The following KHDRBS2 variants were observed in gnomAD, a reference collection of about 807,000 sequenced individuals.
KHDRBS2 encodes KH RNA binding domain containing, signal transduction associated 2.
A neutral mutation model predicts 44.3 loss-of-function variants in KHDRBS2; 26 were observed. That is an observed-to-expected ratio of 0.59 (90% CI 0.43 to 0.81). The LOEUF (loss-of-function observed/expected upper bound fraction) is 0.81. Among genes scored for constraint, KHDRBS2 ranks in the 40% least tolerant of loss-of-function variants. The probability of loss-of-function intolerance (pLI) is 0.00; values close to 1 mark genes in which losing one functional copy is unlikely to be tolerated. For synonymous variants in KHDRBS2, 194 were observed against 151.1 expected (o/e 1.28, Z -2.08); for missense variants, 476 against 433.1 (o/e 1.10, Z -0.88).
chr6:61,792,952 C>T (rs1347909940), intron 6 of KHDRBS2, among the ~76,000 whole-genome samples: 3 of 151,764 alleles, frequency 2.0e-5, no homozygotes, highest in Admixed American at 1.3e-4. Flanking sequence ...CAAGAGGGGC[C>T]AAGAAAACAG....
At chr6:61,747,162 T>G (rs1394783171) in intron 6 of KHDRBS2, among the ~76,000 whole-genome samples, 3 of 152,164 alleles carry the variant, frequency 2.0e-5, no homozygotes, top group Non-Finnish European at 4.4e-5. Flanking sequence ...TGTTTTATAT[T>G]GCTATTTTAG....
chr6:61,598,177 A>C, the KHDRBS2 span, among the ~76,000 whole-genome samples: 4 of 151,108 alleles, frequency 2.6e-5, no homozygotes, highest in Non-Finnish European at 5.9e-5. Context: ...AGTGGTAGCC[A>C]TGTCTGTCAG....
At chr6:62,270,755 T>C (rs1839960859) in intron 1 of KHDRBS2, among the ~76,000 whole-genome samples, 1 of 152,164 alleles carries the variant, frequency 6.6e-6, no homozygotes, top group South Asian at 2.1e-4. Flanking sequence ...TCTTTATTAA[T>C]TTCTGCTATC....
At chr6:61,568,024 G>A in the KHDRBS2 span, among the ~76,000 whole-genome samples, 41 of 151,908 alleles carry the variant, frequency 2.7e-4, no homozygotes, top group African/African-American at 9.2e-4. Context: ...TATATATAGA[G>A]AGATACAGGT....
At chr6:61,545,252 C>A in the KHDRBS2 span, among the ~76,000 whole-genome samples, 29 of 151,912 alleles carry the variant, frequency 1.9e-4, no homozygotes, top group Non-Finnish European at 3.7e-4. Flanking sequence ...TGGAAACCAG[C>A]CTGGGTAACA....
intron 1 of KHDRBS2, among the ~76,000 whole-genome samples, chr6:62,188,352 C>T (rs779734863): frequency 6.6e-6 from 1 of 152,092 alleles, no homozygotes; most frequent in Non-Finnish European, 1.5e-5. Context: ...CTATTCTTTG[C>T]TTCCATGCAT....
intron 2 of KHDRBS2, among the ~76,000 whole-genome samples, chr6:62,138,045 G>A (rs1024254902): frequency 6.6e-6 from 1 of 152,186 alleles, no homozygotes; most frequent in African/African-American, 2.4e-5. Flanking sequence ...TAGGACCCCA[G>A]CTGAAGGATT....
intron 6 of KHDRBS2, among the ~76,000 whole-genome samples, chr6:61,807,310 C>A (rs1285958674): frequency 1.3e-5 from 2 of 151,774 alleles, no homozygotes; most frequent in Non-Finnish European, 2.9e-5. Context: ...CCCAGCAATC[C>A]CATTATTGGG....
At chr6:61,675,497 A>G (rs1304579256), downstream of KHDRBS2, among the ~76,000 whole-genome samples, 1 of 151,750 alleles carries the variant, frequency 6.6e-6, no homozygotes, top group Non-Finnish European at 1.5e-5. Flanking sequence ...TAGTGCTTCA[A>G]CGGTTATTAA....
At chr6:62,144,745 A>C (rs1245644500) in intron 2 of KHDRBS2, among the ~76,000 whole-genome samples, 3 of 151,984 alleles carry the variant, frequency 2.0e-5, no homozygotes, top group Non-Finnish European at 4.4e-5. Context: ...AGTACAGTGG[A>C]AAGAATATCC....
intron 3 of KHDRBS2, among the ~76,000 whole-genome samples, chr6:62,004,307 A>G (rs1380915848): frequency 6.6e-6 from 1 of 152,124 alleles, no homozygotes; most frequent in Non-Finnish European, 1.5e-5. Context: ...GCAACAAAAA[A>G]TGATAAAAGG....
At chr6:62,265,737 T>A (rs957476162) in intron 1 of KHDRBS2, among the ~76,000 whole-genome samples, 1 of 152,010 alleles carries the variant, frequency 6.6e-6, no homozygotes. Flanking sequence ...CATTGCAGGC[T>A]TTTAGCTCCC....
intron 1 of KHDRBS2, among the ~76,000 whole-genome samples, chr6:62,237,715 G>A (rs777529553): frequency 1.3e-5 from 2 of 152,092 alleles, no homozygotes; most frequent in Non-Finnish European, 2.9e-5. Flanking sequence ...TGGAAATCAA[G>A]CTTGTTCCAT....
chr6:61,592,155 C>A, the KHDRBS2 span, among the ~76,000 whole-genome samples: 2 of 137,580 alleles, frequency 1.5e-5, no homozygotes, highest in African/African-American at 2.8e-5. Flanking sequence ...TGTGTCGCTG[C>A]ACTCCAGCCT....
chr6:61,815,601 G>A (rs1433081065), intron 6 of KHDRBS2, among the ~76,000 whole-genome samples: 2 of 152,112 alleles, frequency 1.3e-5, no homozygotes, highest in Non-Finnish European at 2.9e-5. Context: ...TGAACAAGAG[G>A]GAAATAACAG....
chr6:61,848,788 T>A (rs879670630), intron 6 of KHDRBS2, among the ~76,000 whole-genome samples: 1 of 151,150 alleles, frequency 6.6e-6, no homozygotes, highest in Non-Finnish European at 1.5e-5. Flanking sequence ...ATTTATTTCC[T>A]TTTTAAACTG....
intron 4 of KHDRBS2, among the ~76,000 whole-genome samples, chr6:61,939,835 G>GT (rs1381271716): frequency 2.6e-4 from 39 of 152,272 alleles, no homozygotes; most frequent in Admixed American, 1.2e-3. Context: ...CTATGGAGAT[G>GT]CAAAATTATA....
At chr6:61,582,989 T>G in the KHDRBS2 span, among the ~76,000 whole-genome samples, 13 of 151,958 alleles carry the variant, frequency 8.6e-5, no homozygotes, top group Middle Eastern at 6.8e-3. Flanking sequence ...AACACTGGAA[T>G]AGTAATGTAA....
At chr6:62,132,820 A>T (rs907710499) in intron 2 of KHDRBS2, among the ~76,000 whole-genome samples, 1 of 152,350 alleles carries the variant, frequency 6.6e-6, no homozygotes, top group South Asian at 2.1e-4. Context: ...AATCCCATAA[A>T]TTCCAGCATC....
Sources: allele counts gnomAD v4.1 joint callset (sites outside exome capture counted in the v4.1 genomes callset), GRCh38; gene constraint gnomAD v4.1.1; transcripts MANE v1.5; gene names NCBI Gene and HGNC (gene_info 2026-07-23, HGNC 2026-07-21).